Variants in EEPD1 observed in about 807,000 individuals in gnomAD.
EEPD1 encodes the protein endonuclease/exonuclease/phosphatase family domain-containing protein 1.
Under a neutral mutation model 46.3 loss-of-function variants are expected in EEPD1, and 17 were observed. The observed-to-expected ratio is 0.37, with a 90% confidence interval of 0.25 to 0.55. The LOEUF (loss-of-function observed/expected upper bound fraction) is 0.55, where lower values mean the gene tolerates loss of function less well. Among genes scored for constraint, EEPD1 ranks in the 20% least tolerant of loss-of-function variants. EEPD1 has a pLI of 0.83. For missense variants in EEPD1, 673 were observed against 745.6 expected, an observed-to-expected ratio of 0.90 and a Z score of 1.13; for synonymous variants, 313 against 315.6, an observed-to-expected ratio of 0.99 and a Z score of 0.09.
intron 3 of EEPD1, among the ~76,000 whole-genome samples, chr7:36,273,533 G>A (rs1244254464): frequency 6.6e-6 from 1 of 152,138 alleles, no homozygotes; most frequent in Non-Finnish European, 1.5e-5. Context: ...AGGCAGTTTA[G>A]GAAGGGGTCT....
intron 5 of EEPD1, among the ~76,000 whole-genome samples, chr7:36,285,423 C>T (rs543944687): frequency 1.3e-5 from 2 of 152,276 alleles, no homozygotes; most frequent in East Asian, 3.9e-4. Context: ...CAGGGGCAGT[C>T]CTGTCACTGG....
At chr7:36,265,360 T>TG (rs1786997613) in intron 3 of EEPD1, among the ~76,000 whole-genome samples, 1 of 152,180 alleles carries the variant, frequency 6.6e-6, no homozygotes, top group African/African-American at 2.4e-5. Context: ...GAAATGTGCC[T>TG]GGGAAGTTCT....
At chr7:36,283,292 C>G (rs1055094071) in intron 4 of EEPD1, among the ~76,000 whole-genome samples, 4 of 152,178 alleles carry the variant, frequency 2.6e-5, no homozygotes, top group Non-Finnish European at 5.9e-5. Flanking sequence ...GTGGAAGGAG[C>G]AGCACGCAGG....
chr7:36,250,083 A>G (rs556792966), intron 3 of EEPD1, among the ~76,000 whole-genome samples: 1 of 152,292 alleles, frequency 6.6e-6, no homozygotes, highest in South Asian at 2.1e-4. Flanking sequence ...TTAGCTGAGC[A>G]TGGTAGCATA....
At position 36,284,837 on chromosome 7, in the gene EEPD1, G is replaced by C; in HGVS notation, c.1176+17G>C. The C allele has an allele frequency of 1.4e-6, 2 of 1,451,434 alleles. No individual in the cohort carries two copies. Among genetic ancestry groups the C allele is most frequent in the South Asian group, 1.4e-5 (1 of 70,316 alleles). The allele number at this position is 1,451,434 out of a possible 1,614,324, so 89.9% of individuals were successfully genotyped here. A position where few individuals can be genotyped will look rare whatever the true frequency, so the allele number is the denominator to read the frequency against. ...AGGTTCAAGGTACCCGCTCCACGCC[G>C]TCTGTGACGTGGAATCTGCTTCTTT... On this transcript the variant is annotated intron_variant, in intron 5 of 7. Coordinates refer to ENST00000242108, the MANE Select transcript of EEPD1 (RefSeq NM_030636.3).
chr7:36,168,050 C>G (rs147508517), intron 2 of EEPD1, among the ~76,000 whole-genome samples: 2,361 of 152,260 alleles, frequency 0.016, 26 homozygotes, highest in Non-Finnish European at 0.022. Context: ...ACGGGCTCCC[C>G]TATCAGCATG....
intron 2 of EEPD1, among the ~76,000 whole-genome samples, chr7:36,220,417 A>G (rs1786124197): frequency 6.6e-6 from 1 of 152,164 alleles, no homozygotes; most frequent in Admixed American, 6.5e-5. Context: ...TGCTTTGAAG[A>G]CATCTGGACT....
chr7:36,210,859 TCTC>T (rs1248339540), intron 2 of EEPD1, among the ~76,000 whole-genome samples: 5 of 152,180 alleles, frequency 3.3e-5, no homozygotes, highest in Non-Finnish European at 5.9e-5. Flanking sequence ...TGTCATTTCT[TCTC>T]CTCTATTTTC....
intron 3 of EEPD1, among the ~76,000 whole-genome samples, chr7:36,240,669 A>C (rs761973516): frequency 9.2e-5 from 14 of 152,244 alleles, no homozygotes; most frequent in Non-Finnish European, 2.1e-4. Flanking sequence ...TATTGTATTA[A>C]CATTAACATT....
chr7:36,235,452 C>T (rs1786416318), intron 2 of EEPD1, among the ~76,000 whole-genome samples: 1 of 152,234 alleles, frequency 6.6e-6, no homozygotes, highest in South Asian at 2.1e-4. Flanking sequence ...CCTTTTTTCC[C>T]AGCCTTCCTT....
At chr7:36,214,749 C>T (rs1029267747) in intron 2 of EEPD1, among the ~76,000 whole-genome samples, 6 of 152,232 alleles carry the variant, frequency 3.9e-5, no homozygotes, top group African/African-American at 1.4e-4. Flanking sequence ...ACCTAACTAG[C>T]GCTGGCTGAC....
At chr7:36,230,044 A>T (rs2540681) in intron 2 of EEPD1, among the ~76,000 whole-genome samples, 2 of 152,040 alleles carry the variant, frequency 1.3e-5, no homozygotes, top group East Asian at 2.0e-4. Context: ...CATCTTCAGC[A>T]CTGCTTGGCT....
At chr7:36,184,722 T>A (rs913069526) in intron 2 of EEPD1, among the ~76,000 whole-genome samples, 11 of 152,210 alleles carry the variant, frequency 7.2e-5, no homozygotes, top group Non-Finnish European at 1.5e-4. Flanking sequence ...ATATAAGGAT[T>A]TTTTTTTAAT....
At chr7:36,160,379 G>T (rs1365231246) in intron 2 of EEPD1, among the ~76,000 whole-genome samples, 6 of 152,214 alleles carry the variant, frequency 3.9e-5, no homozygotes, top group Admixed American at 3.9e-4. Context: ...ATTTAGATGG[G>T]GGTCAAAGAA....
At chr7:36,207,852 G>T (rs1482855472) in intron 2 of EEPD1, among the ~76,000 whole-genome samples, 1 of 151,306 alleles carries the variant, frequency 6.6e-6, no homozygotes. Context: ...TGAACCCCAG[G>T]TGAACTGGCT....
At position 36,210,659 on chromosome 7, in the gene EEPD1, C is replaced by T. The variant is rs540081562; in HGVS notation, c.879-28326C>T. On this transcript the variant is annotated intron_variant, in intron 2 of 7. Coordinates refer to ENST00000242108, the MANE Select transcript of EEPD1 (RefSeq NM_030636.3). The stretch of plus-strand genomic sequence containing the variant: ...CCTCACTCTCTTGCTCTCCCAGCTC[C>T]AGCTGTCCTGCCTTCCCTCTCCTCC... 6.7e-4 allele frequency among the ~76,000 whole-genome samples: 102 copies of T among 152,302 alleles called. 1 individual carries two copies. The South Asian group carries it at 0.021, about 31-fold the overall frequency.
intron 2 of EEPD1, among the ~76,000 whole-genome samples, chr7:36,238,295 A>G (rs1156506717): frequency 6.6e-6 from 1 of 152,132 alleles, no homozygotes; most frequent in Non-Finnish European, 1.5e-5. Flanking sequence ...TTGTGACCTG[A>G]ATCTTGTGCC....
chr7:36,154,096 T>G lies in EEPD1; in HGVS notation c.-192-37T>G. 1.7e-6 allele frequency: 1 copy of G among 594,796 alleles called. No individual in the cohort carries two copies. The highest frequency in any genetic ancestry group is 2.2e-5 in the South Asian group (1 of 46,384). 36.8% of individuals were successfully genotyped at this position (594,796 alleles called of 1,614,324 possible). ...GGGGGTGCTAATGCAAATTTCTTAATTCAATGGGTTTCTATGTTTATTGAT... is the reference window on the plus strand; with the variant it reads ...GGGGGTGCTAATGCAAATTTCTTAAGTCAATGGGTTTCTATGTTTATTGAT... On this transcript the variant is annotated intron_variant, in intron 1 of 7. Coordinates refer to ENST00000242108, the MANE Select transcript of EEPD1 (RefSeq NM_030636.3). The surrounding 1 kb of genome is among the most constrained non-coding windows in gnomAD (Gnocchi z 4.2).
chr7:36,271,884 G>C (rs60170362), intron 3 of EEPD1, among the ~76,000 whole-genome samples: 1,604 of 9,674 alleles, frequency 0.17, 190 homozygotes, highest in South Asian at 0.24. Context: ...CTATTCTATT[G>C]TATTCTATTC....
Sources: gnomAD v4.1 joint callset for allele counts (sites outside exome capture counted in the v4.1 genomes callset) on GRCh38, gnomAD v4.1.1 for gene constraint, Gnocchi (gnomAD v3.1) non-coding constraint, MANE v1.5 for transcripts, NCBI Gene and HGNC (gene_info 2026-07-23, HGNC 2026-07-21) for gene names.